Variants in RASA3 observed in about 807,000 individuals in gnomAD.
RASA3 encodes ras GTPase-activating protein 3.
In RASA3, 73 loss-of-function variants were observed where a neutral mutation model predicts 110.0. The observed-to-expected ratio is 0.66, with a 90% CI of 0.55 to 0.81. The LOEUF (loss-of-function observed/expected upper bound fraction) is 0.81, where lower values mean the gene tolerates loss of function less well. RASA3 is among the 30% of genes least tolerant of loss of function. The pLI is 0.00. For synonymous variants in RASA3, 500 were observed against 451.4 expected (o/e 1.11, Z -1.37); for missense variants, 976 against 1,113.2 (o/e 0.88, Z 1.75).
chr13:114,017,074 T>C (rs1322072281), intron 12 of RASA3, among the ~76,000 whole-genome samples, 163 bp downstream of exon 12: 1 of 152,188 alleles, frequency 6.6e-6, no homozygotes, highest in Non-Finnish European at 1.5e-5. Flanking sequence ...ACAGGGAACA[T>C]CCTCTTGATA....
chr13:114,105,300 A>G (rs2080118715), intron 1 of RASA3, among the ~76,000 whole-genome samples: 1 of 152,038 alleles, frequency 6.6e-6, no homozygotes, highest in Non-Finnish European at 1.5e-5. Context: ...CCAGGGTGCC[A>G]TGGACCCTGC....
chr13:114,024,252 T>C, intron 8 of RASA3, 27 bp downstream of exon 8: 1 of 1,608,668 alleles, frequency 6.2e-7, no homozygotes, highest in Non-Finnish European at 8.5e-7. Flanking sequence ...ACTGCCAAGT[T>C]GGGGACGCGG....
At position 114,057,244 on chromosome 13, in the gene RASA3, C is replaced by A. The variant is rs573206822; in HGVS notation, c.174-5089G>T. 236 of 985,374 alleles carry A rather than the reference C, an allele frequency of 2.4e-4. 2 individuals carry two copies. The Admixed American group carries it at 0.011, about 48-fold the overall frequency. 61.0% of individuals were successfully genotyped at this position (985,374 alleles called of 1,614,324 possible). A position where few individuals can be genotyped will look rare whatever the true frequency, so the allele number is the denominator to read the frequency against. ...AAGTTATTACTAACTTTGTTTCCTGCGGGTCACCTCAAGTCTTTCAGGAAA... is the reference window on the plus strand; with the variant it reads ...AAGTTATTACTAACTTTGTTTCCTGAGGGTCACCTCAAGTCTTTCAGGAAA... On this transcript the variant is annotated intron_variant, in intron 2 of 23. Transcript: ENST00000334062. The surrounding 1 kb of genome is among the most constrained non-coding windows in gnomAD (Gnocchi z 5.0).
chr13:114,078,134 G>GC (rs1566558045), intron 1 of RASA3, among the ~76,000 whole-genome samples: 1 of 152,130 alleles, frequency 6.6e-6, no homozygotes, highest in Non-Finnish European at 1.5e-5. Flanking sequence ...TGGCCACGTC[G>GC]CCCCGGGGCC....
Position 114,057,198 on chromosome 13 carries a change from C to T in RASA3, c.174-5043G>A. On this transcript the variant is annotated intron_variant, in intron 2 of 23. Transcript: ENST00000334062. This position sits in a 1 kb window ranked among gnomAD's most constrained non-coding sequence, Gnocchi z 5.0. ...ATGTTTTTCTTCTTATTTCATATAA[C>T]TTTTTAAACTTAAAGTAATAAAGTT... 1.0e-6 allele frequency: 1 copy of T among 984,312 alleles called. No homozygotes were observed. The highest frequency in any genetic ancestry group is 4.7e-5 in the South Asian group (1 of 21,264). 61.0% of individuals were successfully genotyped at this position (984,312 alleles called of 1,614,324 possible).
At chr13:114,016,304 T>G in intron 12 of RASA3, 33 bp from the exon 13 acceptor site, 1 of 1,493,764 alleles carries the variant, frequency 6.7e-7, no homozygotes, top group South Asian at 1.1e-5. Context: ...GCTCTGTGAG[T>G]GGGTTCTGGG....
intron 11 of RASA3, 62 bp from the exon 12 acceptor site, chr13:114,017,413 G>T: frequency 7.3e-7 from 1 of 1,362,984 alleles, no homozygotes. Context: ...AGACGGAGCA[G>T]AGCCTGGCCC....
intron 23 of RASA3, among the ~76,000 whole-genome samples, chr13:113,980,331 CCCA>C (rs763460261): frequency 7.5e-5 from 11 of 146,262 alleles, no homozygotes; most frequent in African/African-American, 1.1e-4. Context: ...TGTGCCTTCT[CCCA>C]CATGTGTGCA....
intron 1 of RASA3, among the ~76,000 whole-genome samples, chr13:114,119,612 C>T (rs555650209): frequency 5.0e-4 from 44 of 87,464 alleles, no homozygotes; most frequent in African/African-American, 1.9e-3. Context: ...AGCCAGGCGT[C>T]GATCAGGGCC....
intron 18 of RASA3, among the ~76,000 whole-genome samples, chr13:114,005,362 T>C (rs2053491569): frequency 6.6e-6 from 1 of 151,842 alleles, no homozygotes; most frequent in South Asian, 2.1e-4. Flanking sequence ...GTCAGTTATG[T>C]AAGGAAGGTT....
chr13:114,041,085 G>A lies in RASA3; in HGVS notation c.287C>T (p.Ala96Val). ...FRRDSIIGKV[A>V]IQKEDLQKYH... Reference sequence around the variant, plus strand: ...CTTCTGCAAGTCCTCCTTCTGGATGGCCACCTTCCCTGCAACACAAGCAGA... The same window carrying A: ...CTTCTGCAAGTCCTCCTTCTGGATGACCACCTTCCCTGCAACACAAGCAGA... Residue 96 changes from alanine (A) to valine (V), a missense_variant, in exon 4 of 24, where the codon GCC (alanine) becomes GTC (valine). Transcript: ENST00000334062. 6.2e-7 allele frequency: 1 copy of A among 1,613,694 alleles called. No individual in the cohort carries two copies. The highest frequency in any genetic ancestry group is 8.5e-7 in the Non-Finnish European group (1 of 1,179,958).
At chr13:114,013,270 T>C (rs776410642) in intron 14 of RASA3, 22 bp from the exon 15 acceptor site, 38 of 1,590,974 alleles carry the variant, frequency 2.4e-5, no homozygotes, top group Non-Finnish European at 2.9e-5. Context: ...AGAAGCAGGG[T>C]GACCGTTTTC....
chr13:114,106,007 G>A (rs2080130400), intron 1 of RASA3, among the ~76,000 whole-genome samples: 1 of 152,190 alleles, frequency 6.6e-6, no homozygotes, highest in African/African-American at 2.4e-5. Flanking sequence ...TTCCTCTGGG[G>A]CCACGGCAGG....
Position 114,112,620 on chromosome 13 carries a change from G to A in RASA3, c.55+19815C>T, listed in dbSNP as rs543828857. Among the ~76,000 whole-genome samples, 28 of 152,146 alleles carry A rather than the reference G, an allele frequency of 1.8e-4. No homozygotes were observed. The South Asian group carries it at 5.6e-3, about 30-fold the overall frequency. ...GGGGACCCCGCTAGGAGAGCCCCGG[G>A]TTAAGGGTTGGTAACTGGAGAATGG... On this transcript the variant is annotated intron_variant, in intron 1 of 23. Transcript: ENST00000334062. The surrounding 1 kb of genome is among the most constrained non-coding windows in gnomAD (Gnocchi z 4.8).
rs531871400 is a variant in RASA3 at position 114,031,998 on chromosome 13, A to C, written c.373-2111T>G. ...AAAAAACCTTCGAGTTCCTTCAAAA[A>C]TATATCAGACACCTAGCCAGCCTTG... On this transcript the variant is annotated intron_variant, in intron 4 of 23. Coordinates refer to ENST00000334062, the MANE Select transcript of RASA3 (RefSeq NM_007368.4). Among the ~76,000 whole-genome samples, 4 of 152,338 alleles carry C rather than the reference A, an allele frequency of 2.6e-5. No individual in the cohort carries two copies. In the South Asian group the frequency reaches 8.3e-4, roughly 32 times the overall value.
At chr13:113,998,634 C>G (rs2053310874) in intron 20 of RASA3, among the ~76,000 whole-genome samples, 1 of 152,216 alleles carries the variant, frequency 6.6e-6, no homozygotes, top group African/African-American at 2.4e-5. Context: ...TGGGAGGCCA[C>G]CACACAATGG....
At chr13:114,066,772 A>G (rs960355950) in intron 2 of RASA3, among the ~76,000 whole-genome samples, 4 of 152,196 alleles carry the variant, frequency 2.6e-5, no homozygotes, top group Non-Finnish European at 4.4e-5. Context: ...GTGGAGATGG[A>G]GATGCTGGGC....
At chr13:114,070,533 G>T (rs1169175903) in intron 2 of RASA3, among the ~76,000 whole-genome samples, 1 of 152,286 alleles carries the variant, frequency 6.6e-6, no homozygotes, top group African/African-American at 2.4e-5. Flanking sequence ...TTTGCGTTTT[G>T]CCCTCACACT....
Position 114,014,506 on chromosome 13 carries a change from G to A in RASA3, c.1405+703C>T, listed in dbSNP as rs1161420774. On this transcript the variant is annotated intron_variant, in intron 14 of 23. Coordinates refer to ENST00000334062, the MANE Select transcript of RASA3 (RefSeq NM_007368.4). The surrounding 1 kb of genome is among the most constrained non-coding windows in gnomAD (Gnocchi z 4.5). ...GTCCCGAGGCCACAGGACACGCAAG[G>A]AAGAGAGGAGCCGGCAGCAAGGCCC... Among the ~76,000 whole-genome samples the A allele has an allele frequency of 2.6e-5, 4 of 152,304 alleles. No homozygotes were observed. In the South Asian group the frequency reaches 8.3e-4, roughly 32 times the overall value.
Sources: gnomAD v4.1 joint callset for allele counts (sites outside exome capture counted in the v4.1 genomes callset) on GRCh38, gnomAD v4.1.1 for gene constraint, Gnocchi (gnomAD v3.1) non-coding constraint, MANE v1.5 for transcripts, NCBI Gene and HGNC (gene_info 2026-07-23, HGNC 2026-07-21) for gene names.